Variants in TECPR2 observed in about 807,000 individuals in gnomAD.
The protein encoded by TECPR2 is tectonin beta-propeller repeat containing 2, also known as tectonin beta-propeller repeat-containing protein 2.
TECPR2 carries 65 observed loss-of-function variants against 138.1 expected under a neutral mutation model. That is an observed-to-expected ratio of 0.47 (90% confidence interval 0.39 to 0.58). The LOEUF is 0.58. Among genes scored for constraint, TECPR2 ranks in the 20% least tolerant of loss-of-function variants. TECPR2 has a pLI of 0.00. For synonymous variants in TECPR2, 746 were observed against 749.8 expected, an observed-to-expected ratio of 0.99 and a Z score of 0.08; for missense variants, 1,553 against 1,824.5, an observed-to-expected ratio of 0.85 and a Z score of 2.71.
intron 16 of TECPR2, among the ~76,000 whole-genome samples, chr14:102,456,087 C>A (rs1017004785): frequency 6.6e-6 from 1 of 152,186 alleles, no homozygotes; most frequent in African/African-American, 2.4e-5. Flanking sequence ...GGAGCAGCAA[C>A]CCCCAAGCCC....
At chr14:102,405,026 G>A (rs1888619265) in intron 2 of TECPR2, among the ~76,000 whole-genome samples, 1 of 152,014 alleles carries the variant, frequency 6.6e-6, no homozygotes, top group Admixed American at 6.6e-5. Context: ...AACTCAAAAT[G>A]GCCGGGGCCT....
chr14:102,375,601 G>C (rs8007770), intron 1 of TECPR2, among the ~76,000 whole-genome samples: 1,589 of 152,236 alleles, frequency 0.01, 30 homozygotes, highest in African/African-American at 0.036. Flanking sequence ...TGTAGAAATA[G>C]AAAACCTACA....
chr14:102,494,359 A>T (rs1891227182), intron 17 of TECPR2, among the ~76,000 whole-genome samples: 1 of 152,122 alleles, frequency 6.6e-6, no homozygotes, highest in African/African-American at 2.4e-5. Flanking sequence ...CCTGGCCAAC[A>T]TGGTGAAACC....
chr14:102,367,340 C>T (rs980328328), intron 1 of TECPR2, among the ~76,000 whole-genome samples: 2 of 152,082 alleles, frequency 1.3e-5, no homozygotes, highest in African/African-American at 4.8e-5. Context: ...GCTATGCAAC[C>T]GTCACTACGT....
intron 17 of TECPR2, among the ~76,000 whole-genome samples, chr14:102,467,514 G>A (rs976902623): frequency 4.0e-5 from 6 of 151,754 alleles, no homozygotes; most frequent in African/African-American, 1.5e-4. Flanking sequence ...TAGGAGAGAC[G>A]GGGTTTCACC....
At chr14:102,454,299 G>C (rs1427893936) in intron 16 of TECPR2, among the ~76,000 whole-genome samples, 1 of 152,206 alleles carries the variant, frequency 6.6e-6, no homozygotes, top group African/African-American at 2.4e-5. Context: ...AGGCTGCCTG[G>C]CAGTGGTTGG....
rs113284548 is a variant in TECPR2 at position 102,495,893 on chromosome 14, C to T, written c.3790-1086C>T. Among the ~76,000 whole-genome samples the T allele has an allele frequency of 1.0e-2, 1,521 of 152,342 alleles. 41 individuals carry two copies. Among genetic ancestry groups the T allele is most frequent in the African/African-American group, 0.035 (1,445 of 41,580 alleles). ...GCAGCCTGGAGAGGGCACCTCGATC[C>T]GGGAGGTGCAGGTGGAGGGAGGTCC... On this transcript the variant is annotated intron_variant, in intron 17 of 19. Transcript: ENST00000359520.
At chr14:102,495,712 C>T (rs1158406450) in intron 17 of TECPR2, among the ~76,000 whole-genome samples, 1 of 152,256 alleles carries the variant, frequency 6.6e-6, no homozygotes, top group Non-Finnish European at 1.5e-5. Flanking sequence ...GTCCTCCTTG[C>T]TGCTCTGTCT....
intron 15 of TECPR2, among the ~76,000 whole-genome samples, chr14:102,450,931 G>C (rs1890124242): frequency 6.6e-6 from 1 of 152,238 alleles, no homozygotes; most frequent in South Asian, 2.1e-4. Flanking sequence ...GGGGCTGGCA[G>C]CTGGTGACTT....
intron 19 of TECPR2, 60 bp downstream of exon 19, chr14:102,497,779 G>A (rs1891328879): frequency 4.0e-6 from 6 of 1,494,784 alleles, no homozygotes; most frequent in Admixed American, 2.2e-5. Flanking sequence ...TCCTGTGGAC[G>A]ATGTCGGGGG....
At chr14:102,438,391 C>CATCCAATGAAGCAA in intron 10 of TECPR2, 186 bp downstream of exon 10, 1 of 662,556 alleles carries the variant, frequency 1.5e-6, no homozygotes, top group Non-Finnish European at 2.4e-6. Context: ...ACGTGAATTG[C>CATCCAATGAAGCAA]TTCATTGGAT....
At chr14:102,491,711 C>T (rs1852338010) in intron 17 of TECPR2, among the ~76,000 whole-genome samples, 2 of 152,322 alleles carry the variant, frequency 1.3e-5, no homozygotes, top group South Asian at 4.1e-4. Context: ...GGTACCTTCC[C>T]TAGGTGTTGG....
At chr14:102,457,875 T>C (rs1470335335) in intron 16 of TECPR2, among the ~76,000 whole-genome samples, 1 of 143,270 alleles carries the variant, frequency 7.0e-6, no homozygotes, top group African/African-American at 2.6e-5. Flanking sequence ...TTCCCTTTTT[T>C]TTTTTTTTTT....
chr14:102,441,416 C>G (rs1378586097), intron 11 of TECPR2, among the ~76,000 whole-genome samples: 1 of 150,312 alleles, frequency 6.7e-6, no homozygotes, highest in Admixed American at 6.6e-5. Context: ...GTGGCTCATG[C>G]CTGTAATCCC....
At chr14:102,471,249 G>T (rs540954468) in intron 17 of TECPR2, among the ~76,000 whole-genome samples, 21 of 152,216 alleles carry the variant, frequency 1.4e-4, no homozygotes, top group African/African-American at 4.8e-4. Context: ...ACTGCACCCT[G>T]CCTCTCTTTC....
At chr14:102,371,615 C>T (rs747663728) in intron 1 of TECPR2, among the ~76,000 whole-genome samples, 1 of 152,186 alleles carries the variant, frequency 6.6e-6, no homozygotes, top group Non-Finnish European at 1.5e-5. Context: ...TTTGGAAAAA[C>T]GTGTGAGGCA....
intron 2 of TECPR2, among the ~76,000 whole-genome samples, chr14:102,390,918 T>C (rs1275374345): frequency 6.6e-6 from 1 of 152,154 alleles, no homozygotes; most frequent in Non-Finnish European, 1.5e-5. Flanking sequence ...TTGTATATTA[T>C]ATGATCATGA....
chr14:102,366,337 T>G, intron 1 of TECPR2, among the ~76,000 whole-genome samples: 1 of 152,148 alleles, frequency 6.6e-6, no homozygotes, highest in Non-Finnish European at 1.5e-5. Context: ...GCATTATTCA[T>G]TATATTTTTA....
At chr14:102,459,256 T>A (rs1360626828) in intron 16 of TECPR2, among the ~76,000 whole-genome samples, 2 of 152,162 alleles carry the variant, frequency 1.3e-5, no homozygotes, top group Non-Finnish European at 2.9e-5. Flanking sequence ...GGAAAGTCAG[T>A]ACTGTTTGCA....
Sources: gnomAD v4.1 joint callset for allele counts (sites outside exome capture counted in the v4.1 genomes callset) on GRCh38, gnomAD v4.1.1 for gene constraint, MANE v1.5 for transcripts, NCBI Gene and HGNC (gene_info 2026-07-23, HGNC 2026-07-21) for gene names.